Variants in SLC28A1 observed in about 807,000 individuals in gnomAD.
The protein encoded by SLC28A1 is sodium/nucleoside cotransporter 1.
Under a neutral mutation model 74.8 loss-of-function variants are expected in SLC28A1, and 64 were observed. That is an observed-to-expected ratio of 0.86 (90% confidence interval 0.70 to 1.05). The LOEUF (loss-of-function observed/expected upper bound fraction) is 1.05. Ranked by LOEUF, SLC28A1 falls within the 50% of genes least tolerant of loss-of-function variation. The probability of loss-of-function intolerance (pLI) is 0.00; values close to 1 mark genes in which losing one functional copy is unlikely to be tolerated. For missense variants in SLC28A1, 828 were observed against 822.8 expected, an observed-to-expected ratio of 1.01 and a Z score of -0.08; for synonymous variants, 359 against 335.0, an observed-to-expected ratio of 1.07 and a Z score of -0.78.
chr15:84,935,497 C>T lies in SLC28A1; in HGVS notation c.1560C>T (p.Gly520=), dbSNP rs758297233. Residue 520 remains glycine (G), a synonymous_variant, in exon 15 of 19, where the codon GGC becomes GGT. Transcript: ENST00000394573. The part of the protein sequence containing the change: ...RRLAGAEEWV[G]DRKQWISVRA... ...TGGCAGGGGCCGAGGAGTGGGTCGGCGACAGGAAGCAGTGGATCTCCGTGA... is the reference window on the plus strand; with the variant it reads ...TGGCAGGGGCCGAGGAGTGGGTCGGTGACAGGAAGCAGTGGATCTCCGTGA... 3.1e-6 allele frequency: 5 copies of T among 1,613,760 alleles called. No homozygotes were observed. The highest frequency in any genetic ancestry group is 2.7e-5 in the African/African-American group (2 of 75,052).
chr15:84,905,474 C>A, intron 7 of SLC28A1, 65 bp from the exon 8 acceptor site: 2 of 1,146,846 alleles, frequency 1.7e-6, no homozygotes, highest in South Asian at 1.2e-5. Context: ...TGCTCTCACC[C>A]CCACCCGGCT....
At chr15:84,954,662 T>C in the SLC28A1 span, among the ~76,000 whole-genome samples, 1 of 152,228 alleles carries the variant, frequency 6.6e-6, no homozygotes, top group East Asian at 1.9e-4. Flanking sequence ...CCAGTTCTGT[T>C]TGGTTTTAAT....
intron 15 of SLC28A1, among the ~76,000 whole-genome samples, chr15:84,935,958 T>G (rs75357337): frequency 0.29 from 37,267 of 129,852 alleles, 7,637 homozygotes; most frequent in East Asian, 0.83. Flanking sequence ...TTTGTTTTTT[T>G]TTTTTTTTTT....
intron 15 of SLC28A1, among the ~76,000 whole-genome samples, chr15:84,943,131 G>A (rs1452030401): frequency 6.6e-6 from 1 of 152,058 alleles, no homozygotes; most frequent in African/African-American, 2.4e-5. Flanking sequence ...GGTTGCAGTG[G>A]GCTGAGATTG....
chr15:84,924,185 C>T (rs1970205232), intron 12 of SLC28A1, 75 bp downstream of exon 12: 1 of 1,510,898 alleles, frequency 6.6e-7, no homozygotes, highest in Non-Finnish European at 9.1e-7. Context: ...CACACAGCTC[C>T]TGGCCAGAGC....
chr15:84,922,713 C>A (rs1392120316), intron 11 of SLC28A1, among the ~76,000 whole-genome samples: 1 of 152,248 alleles, frequency 6.6e-6, no homozygotes, highest in South Asian at 2.1e-4. Flanking sequence ...GGCCCACCTG[C>A]CCCCTCTGCC....
chr15:84,960,688 GT>G, the SLC28A1 span, among the ~76,000 whole-genome samples: 1 of 152,314 alleles, frequency 6.6e-6, no homozygotes, highest in East Asian at 1.9e-4. Flanking sequence ...TCCGCTTCCT[GT>G]TTTCAGCCCC....
At chr15:84,900,739 G>C (rs1966587177) in intron 6 of SLC28A1, among the ~76,000 whole-genome samples, 1 of 151,932 alleles carries the variant, frequency 6.6e-6, no homozygotes, top group African/African-American at 2.4e-5. Flanking sequence ...AGAAGGTCGA[G>C]ACTGCAGTGA....
chr15:84,906,147 G>A (rs899553349), intron 8 of SLC28A1, among the ~76,000 whole-genome samples: 1 of 151,614 alleles, frequency 6.6e-6, no homozygotes, highest in African/African-American at 2.4e-5. Context: ...AGCCTGCCCA[G>A]TAGCTGGGAT....
the SLC28A1 span, among the ~76,000 whole-genome samples, chr15:84,953,333 C>T: frequency 6.6e-6 from 1 of 152,196 alleles, no homozygotes. Flanking sequence ...TCTTCAATGA[C>T]TTAAACTGTT....
chr15:84,915,789 A>G (rs1968997448), intron 9 of SLC28A1, among the ~76,000 whole-genome samples: 1 of 151,760 alleles, frequency 6.6e-6, no homozygotes, highest in South Asian at 2.1e-4. Context: ...GCCCTTGGCT[A>G]TTTCTTTGTC....
the SLC28A1 span, among the ~76,000 whole-genome samples, chr15:84,958,317 C>G: frequency 6.6e-6 from 1 of 152,180 alleles, no homozygotes; most frequent in East Asian, 1.9e-4. Context: ...AGCTGTCACC[C>G]TGGGACTTGC....
At chr15:84,971,614 A>G in the SLC28A1 span, among the ~76,000 whole-genome samples, 1 of 151,974 alleles carries the variant, frequency 6.6e-6, no homozygotes, top group Admixed American at 6.6e-5. Flanking sequence ...TGCAGAATGT[A>G]CACCAAATAT....
At position 84,911,874 on chromosome 15, in the gene SLC28A1, AAAAG is replaced by A. The variant is rs796615008; in HGVS notation, c.795+3082_795+3085del. 7.0e-4 allele frequency among the ~76,000 whole-genome samples: 86 copies of A among 122,564 alleles called. No homozygotes were observed. In the East Asian group the frequency reaches 0.012, roughly 18 times the overall value. The allele number at this position is 122,564 out of a possible 152,430, so 80.4% of individuals were successfully genotyped here. On this transcript the variant is annotated intron_variant, in intron 9 of 18. Transcript: ENST00000394573. ...ACTCCATCTCAAAAAAAAAAAAAAA[AAAAG>A]AAGAAGAAGAAGAAAATAAAAATGT...
intron 6 of SLC28A1, among the ~76,000 whole-genome samples, chr15:84,899,940 A>AAAGAAAGG (rs780132408): frequency 2.2e-5 from 3 of 136,816 alleles, no homozygotes; most frequent in African/African-American, 2.7e-5. Context: ...AGAAAGAAAG[A>AAAGAAAGG]AAGGAAGGAA....
At chr15:84,885,236 G>A (rs553703038) in intron 1 of SLC28A1, among the ~76,000 whole-genome samples, 1 of 151,192 alleles carries the variant, frequency 6.6e-6, no homozygotes, top group South Asian at 2.1e-4. Context: ...TGGGAGTGCA[G>A]GCATGAGCCA....
intron 12 of SLC28A1, among the ~76,000 whole-genome samples, chr15:84,930,338 C>T (rs1004673180): frequency 2.6e-5 from 4 of 152,224 alleles, no homozygotes; most frequent in African/African-American, 9.6e-5. Flanking sequence ...AGGACACCTG[C>T]CCCAAGTGGG....
intron 2 of SLC28A1, 121 bp from the exon 3 acceptor site, chr15:84,887,624 G>A (rs372779684): frequency 1.4e-5 from 21 of 1,541,830 alleles, no homozygotes; most frequent in Non-Finnish European, 1.5e-5. Flanking sequence ...CCCAGGCAGG[G>A]CTCTGGCTGT....
chr15:84,904,345 C>G, intron 7 of SLC28A1, 107 bp downstream of exon 7: 1 of 1,536,004 alleles, frequency 6.5e-7, no homozygotes, highest in Non-Finnish European at 8.9e-7. Flanking sequence ...GTTGGGAGAG[C>G]CCTGGAGGCT....
Sources: gnomAD v4.1 joint callset for allele counts (sites outside exome capture counted in the v4.1 genomes callset) on GRCh38, gnomAD v4.1.1 for gene constraint, MANE v1.5 for transcripts, NCBI Gene and HGNC (gene_info 2026-07-23, HGNC 2026-07-21) for gene names.